PVALEF: variants seen among roughly 807,000 people sequenced by gnomAD.
PVALEF encodes parvalbumin-like EF-hand-containing protein.
A neutral mutation model predicts 1.2 loss-of-function variants in PVALEF; 2 were observed. The ratio of observed to expected loss-of-function variants is 1.68; its 90% CI spans 0.69 to 5.28. The LOEUF is 5.28. Among genes scored for constraint, PVALEF ranks in the 30% most tolerant of loss-of-function variants. The probability of loss-of-function intolerance (pLI) is 0.06; values close to 1 mark genes in which losing one functional copy is unlikely to be tolerated. For missense variants in PVALEF, 35 were observed against 17.7 expected (o/e 1.97, Z -1.75); for synonymous variants, 16 against 6.5 (o/e 2.47, Z -2.24).
chr17:81,173,995 C>T (rs1406486414), intron 2 of PVALEF, among the ~76,000 whole-genome samples: 1 of 152,206 alleles, frequency 6.6e-6, no homozygotes, highest in Non-Finnish European at 1.5e-5. Flanking sequence ...GATGGGCCAA[C>T]TACAAAATTT....
chr17:81,165,826 G>A (rs377112563), intron 1 of PVALEF, 79 bp downstream of exon 1: 8 of 1,509,148 alleles, frequency 5.3e-6, no homozygotes, highest in Non-Finnish European at 7.1e-6. Flanking sequence ...TGCTGGGCTC[G>A]GGGCGGGGAA....
chr17:81,180,636 G>C (rs1474894930), intron 3 of PVALEF, among the ~76,000 whole-genome samples: 1 of 152,132 alleles, frequency 6.6e-6, no homozygotes, highest in African/African-American at 2.4e-5. Context: ...GAGGCACCGA[G>C]GGTTGGGGAG....
Position 81,165,602 on chromosome 17 carries a change from C to G in PVALEF, c.-653C>G, listed in dbSNP as rs531462374. 1.4e-6 allele frequency: 2 copies of G among 1,398,306 alleles called. No individual in the cohort carries two copies. Among genetic ancestry groups the G allele is most frequent in the Admixed American group, 4.3e-5 (2 of 46,836 alleles). The allele number at this position is 1,398,306 out of a possible 1,614,324, so 86.6% of individuals were successfully genotyped here. A position where few individuals can be genotyped will look rare whatever the true frequency, so the allele number is the denominator to read the frequency against. ...TGAACCCCAGCTGGCTGACACCCCC[C>G]ACACCCCCAAGGGCCCTTAGTCTGA... On this transcript the variant is annotated 5_prime_UTR_variant, in exon 1 of 7. Coordinates refer to ENST00000637878, the MANE Select transcript of PVALEF (RefSeq NM_001354639.2).
Position 81,179,341 on chromosome 17 carries a change from C to T in PVALEF, c.-105+189C>T, listed in dbSNP as rs536834800. 4.6e-5 allele frequency among the ~76,000 whole-genome samples: 7 copies of T among 152,364 alleles called. No homozygotes were observed. In the East Asian group the frequency reaches 1.4e-3, roughly 29 times the overall value. ...ATGGCCCTCCCTGCCAGCAGCACCA[C>T]TACAAGCCCCAAGGGGGCCCCCGGA... is the stretch of plus-strand genomic sequence containing the variant. On this transcript the variant is annotated intron_variant, in intron 3 of 6. Coordinates refer to ENST00000637878, the MANE Select transcript of PVALEF (RefSeq NM_001354639.2).
At chr17:81,170,464 G>A (rs1299215478) in intron 2 of PVALEF, among the ~76,000 whole-genome samples, 1 of 152,068 alleles carries the variant, frequency 6.6e-6, no homozygotes, top group Non-Finnish European at 1.5e-5. Flanking sequence ...ACAGCTGCAA[G>A]GACCCTACTT....
At chr17:81,166,491 C>A (rs1346578830) in intron 1 of PVALEF, among the ~76,000 whole-genome samples, 186 bp from the exon 2 acceptor site, 9 of 47,890 alleles carry the variant, frequency 1.9e-4, no homozygotes, top group African/African-American at 6.5e-4. Context: ...CTGAGGGGGG[C>A]ACGGAGGCTG....
chr17:81,180,501 C>G (rs1217761115), intron 3 of PVALEF, among the ~76,000 whole-genome samples: 1 of 152,196 alleles, frequency 6.6e-6, no homozygotes, highest in South Asian at 2.1e-4. Context: ...ACTGCAGGGG[C>G]TGTGGGGGCC....
At position 81,179,129 on chromosome 17, in the gene PVALEF, A is replaced by G; in HGVS notation, c.-128A>G. ...ACCCCAGCCTGACCCACCTTCCAGA[A>G]CTCTCGAAAGAAGCCAGGCAGAGGT... On this transcript the variant is annotated 5_prime_UTR_variant, in exon 3 of 7. Transcript: ENST00000637878. 3 of 391,278 alleles carry G rather than the reference A, an allele frequency of 7.7e-6. No individual in the cohort carries two copies. The highest frequency in any genetic ancestry group is 5.3e-5 in the South Asian group (3 of 56,274). The allele number at this position is 391,278 out of a possible 1,614,324, so 24.2% of individuals were successfully genotyped here.
At chr17:81,175,395 T>C (rs1370092071) in intron 2 of PVALEF, among the ~76,000 whole-genome samples, 2 of 152,232 alleles carry the variant, frequency 1.3e-5, no homozygotes, top group Non-Finnish European at 2.9e-5. Flanking sequence ...ACACAATCCC[T>C]ATCTAAATCC....
At position 81,165,509 on chromosome 17, in the gene PVALEF, A is replaced by G; in HGVS notation, c.-746A>G. ...CTGGTGGCTGGGCAGGGCTCTGAGA[A>G]TCGCTCCCAGCCTGGGAAGAAGCCT... is the stretch of plus-strand genomic sequence containing the variant. On this transcript the variant is annotated 5_prime_UTR_variant, in exon 1 of 7. Coordinates refer to ENST00000637878, the MANE Select transcript of PVALEF (RefSeq NM_001354639.2). 1.6e-6 allele frequency: 1 copy of G among 626,510 alleles called. No individual in the cohort carries two copies. Among genetic ancestry groups the G allele is most frequent in the South Asian group, 1.7e-5 (1 of 58,086 alleles). 38.8% of individuals were successfully genotyped at this position (626,510 alleles called of 1,614,324 possible). A position where few individuals can be genotyped will look rare whatever the true frequency, so the allele number is the denominator to read the frequency against.
At chr17:81,178,029 G>A (rs769016865) in intron 2 of PVALEF, among the ~76,000 whole-genome samples, 17 of 152,282 alleles carry the variant, frequency 1.1e-4, no homozygotes, top group African/African-American at 2.4e-4. Flanking sequence ...TGGCTGGGAC[G>A]GGTGTAGACT....
At chr17:81,172,191 C>T (rs528892302) in intron 2 of PVALEF, among the ~76,000 whole-genome samples, 1 of 152,332 alleles carries the variant, frequency 6.6e-6, no homozygotes, top group African/African-American at 2.4e-5. Context: ...TCCGGCCACA[C>T]CCTGAGGTCA....
intron 1 of PVALEF, chr17:81,166,054 CG>C: frequency 8.4e-7 from 1 of 1,190,332 alleles, no homozygotes; most frequent in Non-Finnish European, 1.1e-6. Flanking sequence ...CCCGCGGCCC[CG>C]GCCCGAGCCG....
Position 81,166,772 on chromosome 17 carries a change from G to A in PVALEF, c.-412G>A, listed in dbSNP as rs1437925398. 2.2e-6 allele frequency: 1 copy of A among 456,508 alleles called. No individual in the cohort carries two copies. Among genetic ancestry groups the A allele is most frequent in the Non-Finnish European group, 4.4e-6 (1 of 226,772 alleles). 28.3% of individuals were successfully genotyped at this position (456,508 alleles called of 1,614,324 possible). On this transcript the variant is annotated 5_prime_UTR_variant, in exon 2 of 7. Coordinates refer to ENST00000637878, the MANE Select transcript of PVALEF (RefSeq NM_001354639.2). ...GGTGGCTGGCTTTGCACACAGGCCT[G>A]CTCCTGTACCGTGCTGCGACAGCCA...
chr17:81,178,081 G>A (rs1240968710), intron 2 of PVALEF, among the ~76,000 whole-genome samples: 1 of 152,152 alleles, frequency 6.6e-6, no homozygotes, highest in African/African-American at 2.4e-5. Flanking sequence ...GAAGAAGGAG[G>A]ATAATGCAGC....
chr17:81,177,721 A>C (rs1396611809), intron 2 of PVALEF, among the ~76,000 whole-genome samples: 1 of 152,180 alleles, frequency 6.6e-6, no homozygotes. Context: ...AGGTGACTTT[A>C]CCTCCACCGT....
At position 81,166,721 on chromosome 17, in the gene PVALEF, G is replaced by A; in HGVS notation, c.-463G>A. On this transcript the variant is annotated 5_prime_UTR_variant, in exon 2 of 7. Coordinates refer to ENST00000637878, the MANE Select transcript of PVALEF (RefSeq NM_001354639.2). ...CCGCCCCCCCACCCCATGCCCTTTGGGTGGCACCTGTGCTGGTGGAGTGGG... is the reference window on the plus strand; with the variant it reads ...CCGCCCCCCCACCCCATGCCCTTTGAGTGGCACCTGTGCTGGTGGAGTGGG... The A allele has an allele frequency of 2.2e-6, 1 of 455,922 alleles. No individual in the cohort carries two copies. 28.2% of individuals were successfully genotyped at this position (455,922 alleles called of 1,614,324 possible). A position where few individuals can be genotyped will look rare whatever the true frequency, so the allele number is the denominator to read the frequency against.
intron 5 of PVALEF, 69 bp downstream of exon 5, chr17:81,181,763 G>T: frequency 2.5e-6 from 1 of 398,680 alleles, no homozygotes; most frequent in Admixed American, 4.4e-5. Flanking sequence ...CCACATGGCG[G>T]ACCCGGCCTT....
rs575684931 is a variant in PVALEF at position 81,167,401 on chromosome 17, C to G, written c.-340+557C>G. ...ATTCATTCACTCACTCATTCTGGGA[C>G]CAGATGGCTAAGCCCCTTGGCAAGG... On this transcript the variant is annotated intron_variant, in intron 2 of 6. Coordinates refer to ENST00000637878, the MANE Select transcript of PVALEF (RefSeq NM_001354639.2). Among the ~76,000 whole-genome samples the G allele has an allele frequency of 1.4e-4, 22 of 152,388 alleles. No individual in the cohort carries two copies. The South Asian group carries it at 4.1e-3, about 29-fold the overall frequency.
Sources: gnomAD v4.1 joint callset for allele counts (sites outside exome capture counted in the v4.1 genomes callset) on GRCh38, gnomAD v4.1.1 for gene constraint, MANE v1.5 for transcripts, NCBI Gene and HGNC (gene_info 2026-07-23, HGNC 2026-07-21) for gene names.